Variants in STRN3 observed in about 807,000 individuals in gnomAD.
The protein encoded by STRN3 is striatin 3.
In STRN3, 29 loss-of-function variants were observed where a neutral mutation model predicts 95.6. The ratio of observed to expected loss-of-function variants is 0.30; its 90% CI spans 0.23 to 0.41. The LOEUF (loss-of-function observed/expected upper bound fraction) is 0.41. STRN3 is among the 10% of genes least tolerant of loss of function. The probability of loss-of-function intolerance (pLI) is 1.00; values close to 1 mark genes in which losing one functional copy is unlikely to be tolerated. For synonymous variants in STRN3, 331 were observed against 357.6 expected, an observed-to-expected ratio of 0.93 and a Z score of 0.84; for missense variants, 890 against 972.1, an observed-to-expected ratio of 0.92 and a Z score of 1.12.
chr14:30,960,107 GC>G (rs941942516), intron 1 of STRN3, among the ~76,000 whole-genome samples: 3 of 152,074 alleles, frequency 2.0e-5, no homozygotes, highest in African/African-American at 7.2e-5. Context: ...TATAATCCTA[GC>G]ACTCTGGGAG....
intron 14 of STRN3, 103 bp downstream of exon 14, chr14:30,906,774 T>C (rs1294486917): frequency 4.9e-6 from 6 of 1,221,330 alleles, no homozygotes; most frequent in Non-Finnish European, 6.6e-6. Context: ...TCATTCAATA[T>C]ATCTCTTTGG....
At chr14:31,018,279 T>A (rs1239059339) in intron 1 of STRN3, among the ~76,000 whole-genome samples, 1 of 152,076 alleles carries the variant, frequency 6.6e-6, no homozygotes, top group Non-Finnish European at 1.5e-5. Flanking sequence ...TGGGCCATAG[T>A]AAGCTGCTGC....
At chr14:30,907,294 T>A (rs531956360) in intron 13 of STRN3, among the ~76,000 whole-genome samples, 1,761 of 151,264 alleles carry the variant, frequency 0.012, 26 homozygotes, top group African/African-American at 0.032. Flanking sequence ...TTTTTTTTTT[T>A]AAAACAGCTT....
At chr14:30,963,397 G>A (rs1045058853) in intron 1 of STRN3, among the ~76,000 whole-genome samples, 13 of 152,152 alleles carry the variant, frequency 8.5e-5, no homozygotes, top group African/African-American at 2.9e-4. Context: ...TGAGTCACAA[G>A]TTAAGTCTAA....
At chr14:30,985,991 C>T (rs1881672448) in intron 1 of STRN3, among the ~76,000 whole-genome samples, 2 of 152,150 alleles carry the variant, frequency 1.3e-5, no homozygotes, top group Admixed American at 1.3e-4. Context: ...CTTTCTCTCT[C>T]TCTCTCTCAG....
chr14:30,906,772 T>A, intron 14 of STRN3, 105 bp downstream of exon 14: 1 of 1,208,956 alleles, frequency 8.3e-7, no homozygotes, highest in Non-Finnish European at 1.1e-6. Flanking sequence ...ATTCATTCAA[T>A]ATATCTCTTT....
At chr14:30,986,094 G>A (rs1226583368) in intron 1 of STRN3, among the ~76,000 whole-genome samples, 1 of 152,142 alleles carries the variant, frequency 6.6e-6, no homozygotes, top group Admixed American at 6.6e-5. Context: ...AAAAGAATGA[G>A]AATGATCTTT....
intron 1 of STRN3, among the ~76,000 whole-genome samples, chr14:31,003,804 A>AAAAG (rs1882585223): frequency 2.0e-5 from 3 of 147,396 alleles, no homozygotes; most frequent in Non-Finnish European, 4.5e-5. Context: ...CTTAAAAAAA[A>AAAAG]AAAAAAAAAA....
At chr14:30,920,661 A>C (rs1296600823) in intron 8 of STRN3, among the ~76,000 whole-genome samples, 2 of 152,196 alleles carry the variant, frequency 1.3e-5, no homozygotes, top group African/African-American at 4.8e-5. Context: ...ACTTTAATCA[A>C]GGCTTTCAAT....
intron 3 of STRN3, among the ~76,000 whole-genome samples, chr14:30,954,677 A>G (rs930653149): frequency 4.6e-5 from 7 of 152,220 alleles, no homozygotes; most frequent in Admixed American, 2.0e-4. Flanking sequence ...AGGTTTATAC[A>G]GATAAAAACA....
intron 1 of STRN3, among the ~76,000 whole-genome samples, chr14:31,013,863 TTTATTATTATTATTATTATTA>T (rs548417882): frequency 1.0e-3 from 85 of 81,042 alleles, no homozygotes; most frequent in Middle Eastern, 6.6e-3. Context: ...TCAAAGCAAT[TTTATTATTATTATTATTATTA>T]TTATTATTAT....
chr14:31,022,158 T>C (rs934517231), intron 1 of STRN3, among the ~76,000 whole-genome samples: 1 of 152,036 alleles, frequency 6.6e-6, no homozygotes, highest in Non-Finnish European at 1.5e-5. Flanking sequence ...GGTGTGCAGA[T>C]CACGAGGTCA....
In STRN3 at chr14:31,026,353, G is replaced by T. The variant is rs1014880319; in HGVS notation, c.-168C>A. ...GGGTCAGAGCAGGGAGCTGCCGGCT[G>T]CCGCCATTACAATCCCTCCTCCATC... On this transcript the variant is annotated 5_prime_UTR_variant, in exon 1 of 18. Coordinates refer to ENST00000357479, the MANE Select transcript of STRN3 (RefSeq NM_001083893.2). 2 of 452,166 alleles carry T rather than the reference G, an allele frequency of 4.4e-6. No homozygotes were observed. Among genetic ancestry groups the T allele is most frequent in the Non-Finnish European group, 6.6e-6 (2 of 305,332 alleles). 28.0% of individuals were successfully genotyped at this position (452,166 alleles called of 1,614,324 possible). A position where few individuals can be genotyped will look rare whatever the true frequency, so the allele number is the denominator to read the frequency against.
At chr14:30,909,466 T>C (rs902809136) in intron 13 of STRN3, among the ~76,000 whole-genome samples, 2 of 151,702 alleles carry the variant, frequency 1.3e-5, no homozygotes, top group East Asian at 1.9e-4. Flanking sequence ...AGAGCAAGAC[T>C]GTTTCCAAAA....
chr14:30,950,227 C>T (rs778754623), intron 4 of STRN3, among the ~76,000 whole-genome samples: 4 of 152,150 alleles, frequency 2.6e-5, no homozygotes, highest in Non-Finnish European at 4.4e-5. Flanking sequence ...TGCATGATGA[C>T]TGTCCAGACT....
At chr14:30,951,658 C>A (rs1187112939) in intron 3 of STRN3, among the ~76,000 whole-genome samples, 2 of 152,054 alleles carry the variant, frequency 1.3e-5, no homozygotes, top group African/African-American at 2.4e-5. Context: ...ATATTGAATA[C>A]CTTAATATGG....
chr14:30,946,739 A>G (rs1879376492), intron 5 of STRN3, among the ~76,000 whole-genome samples: 4 of 152,194 alleles, frequency 2.6e-5, no homozygotes, highest in African/African-American at 7.2e-5. Context: ...GCACTTTGGG[A>G]GGCCAAGGCA....
At chr14:30,930,680 T>C (rs1878487314) in intron 7 of STRN3, among the ~76,000 whole-genome samples, 1 of 152,168 alleles carries the variant, frequency 6.6e-6, no homozygotes, top group Admixed American at 6.5e-5. Context: ...ATTATAATGC[T>C]GTTTGTAATA....
intron 1 of STRN3, among the ~76,000 whole-genome samples, chr14:31,016,378 A>G (rs930386665): frequency 2.6e-5 from 4 of 152,130 alleles, no homozygotes; most frequent in African/African-American, 9.7e-5. Context: ...AAAAAGAAAT[A>G]ATCAACCCAT....
Sources: allele counts gnomAD v4.1 joint callset (sites outside exome capture counted in the v4.1 genomes callset), GRCh38; gene constraint gnomAD v4.1.1; transcripts MANE v1.5; gene names NCBI Gene and HGNC (gene_info 2026-07-23, HGNC 2026-07-21).